Variants in PLEKHA2 observed in about 807,000 individuals in gnomAD.
PLEKHA2 encodes the protein pleckstrin homology domain containing A2.
In PLEKHA2, 28 loss-of-function variants were observed where a neutral mutation model predicts 53.2. That is an observed-to-expected ratio of 0.53 (90% confidence interval 0.39 to 0.72). The LOEUF (loss-of-function observed/expected upper bound fraction) is 0.72, where lower values mean the gene tolerates loss of function less well. PLEKHA2 is among the 30% of genes least tolerant of loss of function. PLEKHA2 has a pLI of 0.00. For synonymous variants in PLEKHA2, 193 were observed against 196.4 expected (o/e 0.98, Z 0.14); for missense variants, 426 against 537.9 (o/e 0.79, Z 2.06).
intron 3 of PLEKHA2, among the ~76,000 whole-genome samples, chr8:38,937,969 C>T (rs563687419): frequency 6.6e-6 from 1 of 152,210 alleles, no homozygotes; most frequent in Non-Finnish European, 1.5e-5. Context: ...AAGATGAGGA[C>T]GGGCGTGTGG....
In PLEKHA2 at chr8:38,912,038, C is replaced by T. The variant is rs183775405; in HGVS notation, c.-23-5869C>T. On this transcript the variant is annotated intron_variant, in intron 1 of 11. Coordinates refer to ENST00000617275, the MANE Select transcript of PLEKHA2 (RefSeq NM_021623.2). ...GATTTTGGCTGGGCGTAGTGGCTCA[C>T]GCCTATAATCCCAGCACTTGGGGAG... 5.3e-5 allele frequency among the ~76,000 whole-genome samples: 8 copies of T among 152,092 alleles called. No homozygotes were observed. The South Asian group carries it at 1.0e-3, about 20-fold the overall frequency.
At chr8:38,935,496 G>A (rs765180190) in intron 2 of PLEKHA2, among the ~76,000 whole-genome samples, 11 of 150,516 alleles carry the variant, frequency 7.3e-5, no homozygotes, top group Non-Finnish European at 1.6e-4. Flanking sequence ...ACAGCTTACC[G>A]CAGCCTCTAT....
Position 38,970,407 on chromosome 8 carries a change from A to T in PLEKHA2, c.*624A>T, listed in dbSNP as rs112413493. ...AGATACAAAAAGAATCTAGAGAGAG[A>T]TATATATTTTTAATGAAATAGAAGC... On this transcript the variant is annotated 3_prime_UTR_variant, in exon 12 of 12. Transcript: ENST00000617275. 0.03 allele frequency: 5,036 copies of T among 168,764 alleles called. 264 individuals are homozygous for T. The highest frequency in any genetic ancestry group is 0.11 in the African/African-American group (4,736 of 42,098). 10.5% of individuals were successfully genotyped at this position (168,764 alleles called of 1,614,324 possible).
At chr8:38,940,739 G>A (rs1049084008) in intron 3 of PLEKHA2, among the ~76,000 whole-genome samples, 2 of 151,612 alleles carry the variant, frequency 1.3e-5, no homozygotes, top group South Asian at 2.1e-4. Flanking sequence ...CTTACTGTGA[G>A]TTGACACACA....
chr8:38,932,606 C>CT (rs1275527570), intron 2 of PLEKHA2, among the ~76,000 whole-genome samples: 1 of 152,214 alleles, frequency 6.6e-6, no homozygotes, highest in African/African-American at 2.4e-5. Context: ...CATCCCCACT[C>CT]TGTCTTCCTT....
intron 1 of PLEKHA2, among the ~76,000 whole-genome samples, chr8:38,906,758 G>A (rs866843025): frequency 2.0e-5 from 3 of 152,286 alleles, no homozygotes; most frequent in Middle Eastern, 3.4e-3. Flanking sequence ...TTCTCAAATA[G>A]CCATGCTTGC....
chr8:38,952,065 A>C, intron 6 of PLEKHA2, 101 bp from the exon 7 acceptor site: 1 of 1,401,406 alleles, frequency 7.1e-7, no homozygotes. Flanking sequence ...TTCTTCTTTG[A>C]CTTAGGGCAA....
chr8:38,955,207 C>G (rs577047691), intron 9 of PLEKHA2, among the ~76,000 whole-genome samples: 15 of 152,280 alleles, frequency 9.9e-5, no homozygotes, highest in South Asian at 6.2e-4. Context: ...TCCCTCACCC[C>G]CCTCCTGCCC....
At chr8:38,907,010 C>T (rs904512987) in intron 1 of PLEKHA2, among the ~76,000 whole-genome samples, 8 of 152,136 alleles carry the variant, frequency 5.3e-5, no homozygotes, top group Non-Finnish European at 8.8e-5. Flanking sequence ...TCCTGTTACC[C>T]AGTTGAGCCA....
At chr8:38,937,695 TG>T (rs1039016872) in intron 3 of PLEKHA2, among the ~76,000 whole-genome samples, 4 of 152,162 alleles carry the variant, frequency 2.6e-5, no homozygotes, top group African/African-American at 4.8e-5. Flanking sequence ...CAGCTGCCAC[TG>T]GGTCGGGTTA....
At chr8:38,924,130 G>A (rs1834241781) in intron 2 of PLEKHA2, among the ~76,000 whole-genome samples, 1 of 152,190 alleles carries the variant, frequency 6.6e-6, no homozygotes, top group Admixed American at 6.5e-5. Flanking sequence ...GGTTACAGAT[G>A]TGAGCCACTA....
chr8:38,946,307 A>G, intron 5 of PLEKHA2, 86 bp downstream of exon 5: 3 of 1,197,742 alleles, frequency 2.5e-6, no homozygotes, highest in Non-Finnish European at 3.6e-6. Flanking sequence ...GAAAACTGAG[A>G]TGGCAGCGGG....
chr8:38,943,816 C>G lies in PLEKHA2; in HGVS notation c.226C>G (p.Pro76Ala). The stretch of plus-strand genomic sequence containing the variant: ...GAGCATAGCTACCCCAAAACAGAAA[C>G]CAAAAACTCCATTTTGCTTTGGTAA... ...KVSIATPKQK[P>A]KTPFCFVINA... Residue 76 changes from proline to alanine, a missense_variant, in exon 4 of 12, where the codon CCA (proline) becomes GCA (alanine). Physicochemically the swap from Pro to Ala is conservative, Grantham distance 27. Coordinates refer to ENST00000617275, the MANE Select transcript of PLEKHA2 (RefSeq NM_021623.2). 6.3e-7 allele frequency: 1 copy of G among 1,582,082 alleles called. No homozygotes were observed. Among genetic ancestry groups the G allele is most frequent in the Non-Finnish European group, 8.6e-7 (1 of 1,163,588 alleles).
intron 10 of PLEKHA2, among the ~76,000 whole-genome samples, chr8:38,957,997 G>A (rs1192962295): frequency 2.0e-5 from 3 of 152,154 alleles, no homozygotes; most frequent in Non-Finnish European, 2.9e-5. Flanking sequence ...GCCTTGATTC[G>A]CAGCCCCGTG....
At chr8:38,921,529 T>C (rs1834193937) in intron 2 of PLEKHA2, among the ~76,000 whole-genome samples, 1 of 152,206 alleles carries the variant, frequency 6.6e-6, no homozygotes, top group Admixed American at 6.5e-5. Flanking sequence ...TTCCCCTCAC[T>C]CTGATTTGTC....
chr8:38,952,081 C>G, intron 6 of PLEKHA2, 85 bp from the exon 7 acceptor site: 1 of 1,482,188 alleles, frequency 6.7e-7, no homozygotes. Context: ...GGCAAAGAGG[C>G]CAGAGATTCA....
At chr8:38,943,493 A>G (rs975712844) in intron 3 of PLEKHA2, among the ~76,000 whole-genome samples, 6 of 152,122 alleles carry the variant, frequency 3.9e-5, no homozygotes, top group African/African-American at 1.2e-4. Flanking sequence ...ATCTAAATAA[A>G]TAAATAAATA....
At chr8:38,950,664 G>A in intron 5 of PLEKHA2, 186 bp from the exon 6 acceptor site, 1 of 610,770 alleles carries the variant, frequency 1.6e-6, no homozygotes, top group Non-Finnish European at 2.8e-6. Flanking sequence ...ATCTGTGTAG[G>A]GGGAGGGCGT....
At chr8:38,951,013 C>A (rs531092701) in intron 6 of PLEKHA2, 23 bp downstream of exon 6, 1 of 1,332,586 alleles carries the variant, frequency 7.5e-7, no homozygotes. Flanking sequence ...ACTGGGGCTG[C>A]GGGGGGAGTG....
Sources: gnomAD v4.1 joint callset for allele counts (sites outside exome capture counted in the v4.1 genomes callset) on GRCh38, gnomAD v4.1.1 for gene constraint, MANE v1.5 for transcripts, NCBI Gene and HGNC (gene_info 2026-07-23, HGNC 2026-07-21) for gene names.